Variants in MTFR1 observed in about 807,000 individuals in gnomAD.
The protein encoded by MTFR1 is mitochondrial fission regulator 1.
A neutral mutation model predicts 38.8 loss-of-function variants in MTFR1; 28 were observed. The observed-to-expected ratio is 0.72, with a 90% confidence interval of 0.53 to 0.99. The LOEUF is 0.99. Ranked by LOEUF, MTFR1 falls within the 50% of genes least tolerant of loss-of-function variation. The pLI, the probability that MTFR1 is intolerant of heterozygous loss-of-function variation, is 0.00. For missense variants in MTFR1, 358 were observed against 395.5 expected (o/e 0.91, Z 0.81); for synonymous variants, 145 against 137.0 (o/e 1.06, Z -0.41).
intron 3 of MTFR1, among the ~76,000 whole-genome samples, chr8:65,762,579 C>G (rs1808555120): frequency 6.6e-6 from 1 of 151,938 alleles, no homozygotes; most frequent in Non-Finnish European, 1.5e-5. Flanking sequence ...TAAAATAGGC[C>G]CCACAAGACT....
intron 3 of MTFR1, among the ~76,000 whole-genome samples, chr8:65,692,572 T>C (rs1805313456): frequency 6.6e-6 from 1 of 152,126 alleles, no homozygotes; most frequent in South Asian, 2.1e-4. Context: ...ACTCCTGACC[T>C]CAAGTGATCC....
chr8:65,708,916 G>A, intron 7 of MTFR1, 60 bp from the exon 8 acceptor site: 1 of 1,507,682 alleles, frequency 6.6e-7, no homozygotes, highest in South Asian at 1.1e-5. Flanking sequence ...GGGAGGTGGG[G>A]GCGTATCGTT....
At chr8:65,713,439 A>AACACACACACACAC (rs144454204), downstream of MTFR1, among the ~76,000 whole-genome samples, 629 of 137,528 alleles carry the variant, frequency 4.6e-3, 2 homozygotes, top group East Asian at 0.015. Flanking sequence ...TCCCATCTCA[A>AACACACACACACAC]ACACACACAC....
intron 3 of MTFR1, among the ~76,000 whole-genome samples, chr8:65,733,495 CCT>C (rs1806992036): frequency 6.6e-6 from 1 of 151,806 alleles, no homozygotes; most frequent in African/African-American, 2.4e-5. Context: ...AGAGTGAGAC[CCT>C]GTCTCTACAA....
chr8:65,715,904 G>A (rs1351577643), intron 2 of MTFR1, among the ~76,000 whole-genome samples: 2 of 147,116 alleles, frequency 1.4e-5, no homozygotes, highest in African/African-American at 2.5e-5. Context: ...AGGAGAATGA[G>A]GAGAATGGCG....
rs150962565 is a variant in MTFR1 at position 65,707,856 on chromosome 8, G to A, written c.778G>A (p.Val260Met). 3 of 1,614,046 alleles carry A rather than the reference G, an allele frequency of 1.9e-6. No homozygotes were observed. Among genetic ancestry groups the A allele is most frequent in the East Asian group, 4.5e-5 (2 of 44,884 alleles). Residue 260 changes from valine (V) to methionine (M), a missense_variant, in exon 7 of 8, where the codon GTG (valine) becomes ATG (methionine). Transcript: ENST00000262146. ...LRSVKRSEQDVKPKPVDATDP... is the reference protein window; with the variant it reads ...LRSVKRSEQDMKPKPVDATDP... The stretch of plus-strand genomic sequence containing the variant: ...CACTTCTCTAAGGTCAGAGCAAGAT[G>A]TGAAGCCCAAGCCAGTGGATGCTAC...
At chr8:65,671,585 C>T (rs147218828) in intron 2 of MTFR1, among the ~76,000 whole-genome samples, 1 of 148,690 alleles carries the variant, frequency 6.7e-6, no homozygotes, top group Non-Finnish European at 1.5e-5. Context: ...TCAGTTTTAT[C>T]ATAGTGTGGA....
chr8:65,759,721 T>C (rs1808403678), intron 3 of MTFR1, among the ~76,000 whole-genome samples: 1 of 152,160 alleles, frequency 6.6e-6, no homozygotes, highest in African/African-American at 2.4e-5. Context: ...AGGGGGTTTT[T>C]CCTAAAGGTC....
At chr8:65,776,814 C>G in the MTFR1 span, among the ~76,000 whole-genome samples, 1 of 152,130 alleles carries the variant, frequency 6.6e-6, no homozygotes, top group Non-Finnish European at 1.5e-5. Context: ...AAAAATGATA[C>G]TTTTTCTTTT....
intron 3 of MTFR1, chr8:65,731,568 A>C (rs954062344): frequency 2.0e-5 from 3 of 152,256 alleles, no homozygotes; most frequent in African/African-American, 7.2e-5. Context: ...TACCAGTGTC[A>C]ATCAATCAAG....
intron 2 of MTFR1, among the ~76,000 whole-genome samples, chr8:65,670,341 T>A (rs1400401427): frequency 6.6e-6 from 1 of 152,196 alleles, no homozygotes; most frequent in East Asian, 1.9e-4. Context: ...TTGACAGCGC[T>A]CTTAATGTTG....
chr8:65,659,661 G>A (rs1458429533), intron 1 of MTFR1, among the ~76,000 whole-genome samples: 3 of 152,138 alleles, frequency 2.0e-5, no homozygotes, highest in African/African-American at 7.2e-5. Context: ...GATCTGACAG[G>A]AAGCGGGTAG....
At chr8:65,660,452 A>G (rs1349040736) in intron 1 of MTFR1, among the ~76,000 whole-genome samples, 1 of 152,192 alleles carries the variant, frequency 6.6e-6, no homozygotes, top group Non-Finnish European at 1.5e-5. Context: ...TTGAGTATAT[A>G]GACTGAATAA....
intron 3 of MTFR1, among the ~76,000 whole-genome samples, chr8:65,749,237 T>C (rs7818909): frequency 0.46 from 69,524 of 152,124 alleles, 17,174 homozygotes; most frequent in Non-Finnish European, 0.56. Flanking sequence ...ACTATCTTTT[T>C]TACCTCTGTA....
At chr8:65,673,072 GA>G (rs1295973034) in intron 2 of MTFR1, among the ~76,000 whole-genome samples, 1 of 152,148 alleles carries the variant, frequency 6.6e-6, no homozygotes, top group East Asian at 1.9e-4. Flanking sequence ...AGCCTGTCTG[GA>G]CTTTGAACAT....
At chr8:65,735,602 T>G (rs1279439347) in intron 3 of MTFR1, among the ~76,000 whole-genome samples, 1 of 152,066 alleles carries the variant, frequency 6.6e-6, no homozygotes, top group Non-Finnish European at 1.5e-5. Context: ...TGAGCCACTA[T>G]GCCCCACCTA....
At chr8:65,694,091 T>TG (rs1224359254) in intron 4 of MTFR1, among the ~76,000 whole-genome samples, 3 of 150,582 alleles carry the variant, frequency 2.0e-5, no homozygotes, top group East Asian at 3.9e-4. Context: ...TTTTTTTTTT[T>TG]TTAGATAGAG....
chr8:65,666,886 A>AT (rs1804395632), intron 1 of MTFR1, among the ~76,000 whole-genome samples: 1 of 152,158 alleles, frequency 6.6e-6, no homozygotes, highest in African/African-American at 2.4e-5. Context: ...AATCCCTCCC[A>AT]TTCACTCTGT....
intron 1 of MTFR1, among the ~76,000 whole-genome samples, chr8:65,663,463 C>A (rs1246126698): frequency 6.6e-6 from 1 of 151,042 alleles, no homozygotes; most frequent in African/African-American, 2.4e-5. Context: ...GCTGACCTTC[C>A]CTCCACTATT....
Sources: gnomAD v4.1 joint callset for allele counts (sites outside exome capture counted in the v4.1 genomes callset) on GRCh38, gnomAD v4.1.1 for gene constraint, MANE v1.5 for transcripts, NCBI Gene and HGNC (gene_info 2026-07-23, HGNC 2026-07-21) for gene names.